PRDM12: variants seen among roughly 807,000 people sequenced by gnomAD.
The protein encoded by PRDM12 is PR/SET domain 12.
In PRDM12, 17 loss-of-function variants were observed where a neutral mutation model predicts 29.6. That is an observed-to-expected ratio of 0.57 (90% CI 0.39 to 0.86). The LOEUF is 0.86. Among genes scored for constraint, PRDM12 ranks in the 40% least tolerant of loss-of-function variants. The pLI is 0.00. For missense variants in PRDM12, 422 were observed against 510.8 expected, an observed-to-expected ratio of 0.83 and a Z score of 1.68; for synonymous variants, 231 against 225.8, an observed-to-expected ratio of 1.02 and a Z score of -0.21.
rs974834911 is a variant in PRDM12, at chr9:130,681,697, C to G, written c.*28C>G. On this transcript the variant is annotated 3_prime_UTR_variant, in exon 5 of 5. Coordinates refer to ENST00000253008, the MANE Select transcript of PRDM12 (RefSeq NM_021619.3). The surrounding 1 kb of genome is among the most constrained non-coding windows in gnomAD (Gnocchi z 8.1). ...GCGCCCGCGCCCCCGCCGGGCCCCGCGCGCTCCTGGGTCCCCGGCACCCCG... is the reference window on the plus strand; with the variant it reads ...GCGCCCGCGCCCCCGCCGGGCCCCGGGCGCTCCTGGGTCCCCGGCACCCCG... The G allele has an allele frequency of 2.0e-6, 2 of 980,754 alleles. No individual in the cohort carries two copies. The highest frequency in any genetic ancestry group is 3.5e-5 in the African/African-American group (2 of 56,602). 60.8% of individuals were successfully genotyped at this position (980,754 alleles called of 1,614,324 possible). A position where few individuals can be genotyped will look rare whatever the true frequency, so the allele number is the denominator to read the frequency against.
intron 1 of PRDM12, 53 bp from the exon 2 acceptor site, chr9:130,666,555 C>T: frequency 2.5e-6 from 4 of 1,570,852 alleles, no homozygotes; most frequent in South Asian, 1.2e-5. Context: ...AAGGAAGGGC[C>T]GGGCCTCGGC....
chr9:130,674,817 T>C (rs1830826561), intron 3 of PRDM12, among the ~76,000 whole-genome samples: 1 of 152,218 alleles, frequency 6.6e-6, no homozygotes, highest in Non-Finnish European at 1.5e-5. Context: ...TTTTAGTACA[T>C]TAAAAGCGTT....
At chr9:130,665,508 C>T (rs1388550944) in intron 1 of PRDM12, among the ~76,000 whole-genome samples, 4 of 152,226 alleles carry the variant, frequency 2.6e-5, no homozygotes, top group Non-Finnish European at 4.4e-5. Flanking sequence ...TTCTGTTCCT[C>T]TCTTAATTTA....
intron 3 of PRDM12, among the ~76,000 whole-genome samples, chr9:130,674,663 A>G (rs757377086): frequency 1.6e-4 from 25 of 152,172 alleles, no homozygotes; most frequent in Non-Finnish European, 1.6e-4. Flanking sequence ...TTCTGGGGAA[A>G]GACAAGCAGC....
In PRDM12 at chr9:130,665,068, C is replaced by T. The variant is rs562258402; in HGVS notation, c.223+192C>T. 4.6e-4 allele frequency among the ~76,000 whole-genome samples: 70 copies of T among 152,200 alleles called. 1 individual carries two copies. The highest frequency in any genetic ancestry group is 1.6e-3 in the African/African-American group (68 of 41,538). Reference sequence around the variant, plus strand: ...GGACGCGAGCCACCAAGCAGCTCCGCAGCCCACCCGGCTCAAGGACCGACC... The same window carrying T: ...GGACGCGAGCCACCAAGCAGCTCCGTAGCCCACCCGGCTCAAGGACCGACC... On this transcript the variant is annotated intron_variant, in intron 1 of 4. Coordinates refer to ENST00000253008, the MANE Select transcript of PRDM12 (RefSeq NM_021619.3).
At chr9:130,678,685 G>C (rs1830865665) in intron 4 of PRDM12, 45 bp downstream of exon 4, 5 of 1,460,128 alleles carry the variant, frequency 3.4e-6, no homozygotes, top group African/African-American at 1.4e-5. Flanking sequence ...CCCATGGAGA[G>C]GGGAGCCCAG....
intron 1 of PRDM12, among the ~76,000 whole-genome samples, chr9:130,665,839 G>A (rs2132588008): frequency 6.6e-6 from 1 of 152,272 alleles, no homozygotes; most frequent in South Asian, 2.1e-4. Flanking sequence ...AGACATGGAG[G>A]CCGCCCTTGT....
intron 4 of PRDM12, among the ~76,000 whole-genome samples, chr9:130,680,800 G>A (rs1025985545): frequency 2.0e-5 from 3 of 151,418 alleles, no homozygotes; most frequent in Non-Finnish European, 4.4e-5. Flanking sequence ...TTTGGGGGCA[G>A]GGGTCATCAC....
intron 3 of PRDM12, among the ~76,000 whole-genome samples, chr9:130,676,362 G>T (rs964526763): frequency 6.6e-6 from 1 of 152,082 alleles, no homozygotes; most frequent in Non-Finnish European, 1.5e-5. Flanking sequence ...TGGGTGTGGT[G>T]GCGGGCACCT....
In PRDM12 at chr9:130,681,784, G is replaced by A; in HGVS notation, c.*115G>A. ...CGGCCCGGCGCCGCCGCGGAGCCCCGCGCGCTGGGGTTGCGCCCCGGAGGC... is the reference window on the plus strand; with the variant it reads ...CGGCCCGGCGCCGCCGCGGAGCCCCACGCGCTGGGGTTGCGCCCCGGAGGC... On this transcript the variant is annotated 3_prime_UTR_variant, in exon 5 of 5. Coordinates refer to ENST00000253008, the MANE Select transcript of PRDM12 (RefSeq NM_021619.3). This position sits in a 1 kb window ranked among gnomAD's most constrained non-coding sequence, Gnocchi z 8.1. 1.1e-6 allele frequency: 1 copy of A among 914,348 alleles called. No individual in the cohort carries two copies. The highest frequency in any genetic ancestry group is 1.8e-5 in the African/African-American group (1 of 55,750). 56.6% of individuals were successfully genotyped at this position (914,348 alleles called of 1,614,324 possible). A position where few individuals can be genotyped will look rare whatever the true frequency, so the allele number is the denominator to read the frequency against.
At chr9:130,674,492 TTG>T (rs58489448) in intron 3 of PRDM12, among the ~76,000 whole-genome samples, 29,544 of 142,716 alleles carry the variant, frequency 0.21, 3,203 homozygotes, top group Non-Finnish European at 0.26. Context: ...AAAAGATAAT[TTG>T]TGTGTGTGTG....
chr9:130,674,528 G>GTT (rs572021109), intron 3 of PRDM12, among the ~76,000 whole-genome samples: 278 of 150,076 alleles, frequency 1.9e-3, no homozygotes, highest in Non-Finnish European at 3.4e-3. Flanking sequence ...GTGTGTGTGT[G>GTT]TGTGTATAGA....
Position 130,675,179 on chromosome 9 carries a change from C to T in PRDM12, c.571-3350C>T, listed in dbSNP as rs545300020. ...ACAGGCATGAGCCACTGCACCCAGC[C>T]TACTGTTACTGTATTTATATTTAAT... is the stretch of plus-strand genomic sequence containing the variant. On this transcript the variant is annotated intron_variant, in intron 3 of 4. Transcript: ENST00000253008. 3.3e-5 allele frequency among the ~76,000 whole-genome samples: 5 copies of T among 152,318 alleles called. No homozygotes were observed. In the South Asian group the frequency reaches 1.0e-3, roughly 32 times the overall value.
rs1187431933 is a variant in PRDM12 at position 130,681,570 on chromosome 9, C to T, written c.1005C>T (p.Pro335=). 1 of 1,204,926 alleles carries T rather than the reference C, an allele frequency of 8.3e-7. No homozygotes were observed. Among genetic ancestry groups the T allele is most frequent in the African/African-American group, 1.6e-5 (1 of 63,044 alleles). 74.6% of individuals were successfully genotyped at this position (1,204,926 alleles called of 1,614,324 possible). Residue 335 remains proline, a synonymous_variant, in exon 5 of 5, where the codon CCC becomes CCT. Coordinates refer to ENST00000253008, the MANE Select transcript of PRDM12 (RefSeq NM_021619.3). This position sits in a 1 kb window ranked among gnomAD's most constrained non-coding sequence, Gnocchi z 8.1. The stretch of plus-strand genomic sequence containing the variant: ...GCACCGCGCTGCAGGCACACTCGCC[C>T]GCGCTGCCCGCCCCGCACGCGCACG... ...PPSTALQAHS[P]ALPAPHAHAP...
rs1429038624 is a variant in PRDM12 at position 130,681,607 on chromosome 9, G to GCCA, written c.1044_1045insACC (p.Ala348_Ala349insThr). 16 of 662,116 alleles carry GCCA rather than the reference G, an allele frequency of 2.4e-5. No individual in the cohort carries two copies. The East Asian group carries it at 3.2e-3, about 131-fold the overall frequency. The allele number at this position is 662,116 out of a possible 1,614,324, so 41.0% of individuals were successfully genotyped here. A position where few individuals can be genotyped will look rare whatever the true frequency, so the allele number is the denominator to read the frequency against. Reference sequence around the variant, plus strand: ...CCCGCACGCGCACGCGCCCGCGCTCGCCGCCGCCGCCGCCGCCGCCGCCGC... The same window carrying GCCA: ...CCCGCACGCGCACGCGCCCGCGCTCGCCACCGCCGCCGCCGCCGCCGCCGCCGC... On this transcript the variant is annotated inframe_insertion, in exon 5 of 5. Coordinates refer to ENST00000253008, the MANE Select transcript of PRDM12 (RefSeq NM_021619.3). The surrounding 1 kb of genome is among the most constrained non-coding windows in gnomAD (Gnocchi z 8.1).
In PRDM12 at chr9:130,681,152, C is replaced by T; in HGVS notation, c.683-96C>T. On this transcript the variant is annotated intron_variant, in intron 4 of 4. Coordinates refer to ENST00000253008, the MANE Select transcript of PRDM12 (RefSeq NM_021619.3). This position sits in a 1 kb window ranked among gnomAD's most constrained non-coding sequence, Gnocchi z 8.1. ...GGACGGACCGGCCCCGGGCTGGGGG[C>T]GCTGAGGGCCCGGGCTGCGGGGCGC... 8.1e-7 allele frequency: 1 copy of T among 1,239,094 alleles called. No individual in the cohort carries two copies. Among genetic ancestry groups the T allele is most frequent in the South Asian group, 2.0e-5 (1 of 50,170 alleles). The allele number at this position is 1,239,094 out of a possible 1,614,324, so 76.8% of individuals were successfully genotyped here. A position where few individuals can be genotyped will look rare whatever the true frequency, so the allele number is the denominator to read the frequency against.
At chr9:130,665,044 G>T (rs894550378) in intron 1 of PRDM12, among the ~76,000 whole-genome samples, 168 bp downstream of exon 1, 2 of 152,002 alleles carry the variant, frequency 1.3e-5, no homozygotes, top group Admixed American at 6.5e-5. Context: ...GCCAAACCAG[G>T]ACGCGAGCCA....
chr9:130,676,412 C>T (rs1485330745), intron 3 of PRDM12, among the ~76,000 whole-genome samples: 1 of 152,038 alleles, frequency 6.6e-6, no homozygotes, highest in Non-Finnish European at 1.5e-5. Context: ...AGGAGAATGG[C>T]GTGAACCCAG....
chr9:130,681,328 C>A lies in PRDM12; in HGVS notation c.763C>A (p.Arg255Ser), dbSNP rs1399138368. 4 of 1,563,756 alleles carry A rather than the reference C, an allele frequency of 2.6e-6. No individual in the cohort carries two copies. The highest frequency in any genetic ancestry group is 1.4e-5 in the African/African-American group (1 of 72,536). ...CATCTGCCACCGCGGCTTCAACTCG[C>A]GCAGCAACCTGCGCTCGCACATGCG... ...CVICHRGFNS[R>S]SNLRSHMRIH... is the part of the protein sequence containing the mutation. The change falls in exon 5 of 5, where the codon CGC (arginine) becomes AGC (serine). Residue 255 changes from arginine to serine, a missense_variant. Arg to Ser is a moderately radical substitution (Grantham distance 110). This residue lies in a region of PRDM12 where 300 missense variants were observed against 350.0 expected (regional missense o/e 0.86). Coordinates refer to ENST00000253008, the MANE Select transcript of PRDM12 (RefSeq NM_021619.3). The surrounding 1 kb of genome is among the most constrained non-coding windows in gnomAD (Gnocchi z 8.1).
Sources: gnomAD v4.1 joint callset for allele counts (sites outside exome capture counted in the v4.1 genomes callset) on GRCh38, gnomAD v4.1.1 for gene constraint, gnomAD v4.1.1 regional missense constraint, Gnocchi (gnomAD v3.1) non-coding constraint, MANE v1.5 for transcripts, NCBI Gene and HGNC (gene_info 2026-07-23, HGNC 2026-07-21) for gene names.